ZSCAN25: variants seen among roughly 807,000 people sequenced by gnomAD.
ZSCAN25 encodes zinc finger and SCAN domain containing 25.
In ZSCAN25, 27 loss-of-function variants were observed where a neutral mutation model predicts 38.7. That is an observed-to-expected ratio of 0.70 (90% CI 0.51 to 0.96). ZSCAN25 has a LOEUF of 0.96. Among genes scored for constraint, ZSCAN25 ranks in the 40% least tolerant of loss-of-function variants. ZSCAN25 has a pLI of 0.00. For synonymous variants in ZSCAN25, 273 were observed against 277.7 expected, an observed-to-expected ratio of 0.98 and a Z score of 0.17; for missense variants, 637 against 705.9, an observed-to-expected ratio of 0.90 and a Z score of 1.11.
At chr7:99,710,984 C>G in the ZSCAN25 span, 4 of 1,595,174 alleles carry the variant, frequency 2.5e-6, no homozygotes, top group Non-Finnish European at 2.6e-6. Flanking sequence ...ACCTTCAAAT[C>G]CCCAGGGGAA....
the ZSCAN25 span, chr7:99,672,856 C>A: frequency 7.1e-7 from 1 of 1,413,782 alleles, no homozygotes; most frequent in Non-Finnish European, 9.2e-7. Flanking sequence ...GAGTCTCACA[C>A]AGGAGCCACC....
chr7:99,718,424 C>G, the ZSCAN25 span, among the ~76,000 whole-genome samples: 1 of 152,100 alleles, frequency 6.6e-6, no homozygotes, highest in Non-Finnish European at 1.5e-5. Flanking sequence ...GCCTATCAAG[C>G]CAGCATGCTT....
At chr7:99,723,435 C>A in the ZSCAN25 span, among the ~76,000 whole-genome samples, 1 of 152,298 alleles carries the variant, frequency 6.6e-6, no homozygotes, top group Non-Finnish European at 1.5e-5. Context: ...CTGCTTACCC[C>A]AGTCCTATAA....
chr7:99,733,787 A>G, the ZSCAN25 span, among the ~76,000 whole-genome samples: 1 of 152,238 alleles, frequency 6.6e-6, no homozygotes, highest in African/African-American at 2.4e-5. Context: ...TGCTTTTGCT[A>G]TCATCACTGG....
chr7:99,660,214 C>CTTTTT, the ZSCAN25 span: 266 of 429,910 alleles, frequency 6.2e-4, 20 homozygotes, highest in East Asian at 0.012. Context: ...CGCCACACTC[C>CTTTTT]TTTTTTTTTT....
the ZSCAN25 span, among the ~76,000 whole-genome samples, chr7:99,720,025 AC>A: frequency 4.2e-4 from 64 of 152,304 alleles, no homozygotes; most frequent in African/African-American, 1.5e-3. Context: ...ACAAACAAAA[AC>A]AAAAACAAAA....
At chr7:99,712,125 G>T in the ZSCAN25 span, among the ~76,000 whole-genome samples, 1 of 152,080 alleles carries the variant, frequency 6.6e-6, no homozygotes, top group African/African-American at 2.4e-5. Context: ...GCCCATCACT[G>T]GTCTGTTTGA....
chr7:99,662,954 C>T, the ZSCAN25 span: 1 of 1,593,390 alleles, frequency 6.3e-7, no homozygotes, highest in African/African-American at 1.3e-5. This position sits in a 1 kb window ranked among gnomAD's most constrained non-coding sequence, Gnocchi z 4.3. Context: ...AAAGTGCAGT[C>T]CTCAACCTCC....
the ZSCAN25 span, among the ~76,000 whole-genome samples, chr7:99,707,572 A>C: frequency 6.6e-6 from 1 of 152,222 alleles, no homozygotes; most frequent in Admixed American, 6.5e-5. Context: ...AAGTTCAAGG[A>C]GACTGTAGAT....
the ZSCAN25 span, chr7:99,652,828 C>T: frequency 2.1e-6 from 3 of 1,429,164 alleles, no homozygotes; most frequent in East Asian, 4.6e-5. Flanking sequence ...TGAATTAACT[C>T]TCAACTGAGT....
chr7:99,686,602 A>G, the ZSCAN25 span, among the ~76,000 whole-genome samples: 1 of 152,206 alleles, frequency 6.6e-6, no homozygotes, highest in East Asian at 1.9e-4. Context: ...GAACAAAAAG[A>G]CAGCAGTAAC....
At chr7:99,677,821 GAACTTTAAACACATTACCTGACC>G in the ZSCAN25 span, among the ~76,000 whole-genome samples, 6 of 152,200 alleles carry the variant, frequency 3.9e-5, no homozygotes, top group African/African-American at 1.4e-4. Context: ...CTCTGCTCCT[GAACTTTAAACACATTACCTGACC>G]TCTCAGGTGA....
the ZSCAN25 span, among the ~76,000 whole-genome samples, chr7:99,725,188 G>A: frequency 6.6e-6 from 1 of 152,152 alleles, no homozygotes. Flanking sequence ...CCCAGTTCAT[G>A]GCCCACTTAG....
At chr7:99,705,654 A>G in the ZSCAN25 span, 4 of 1,593,660 alleles carry the variant, frequency 2.5e-6, no homozygotes, top group East Asian at 2.2e-5. Flanking sequence ...TAGAAAGTAT[A>G]GCATCAAAGT....
the ZSCAN25 span, chr7:99,664,228 A>C: frequency 1.4e-5 from 12 of 835,494 alleles, no homozygotes; most frequent in South Asian, 2.0e-4. Flanking sequence ...TCCTTTTATC[A>C]TGTTTGCCCT....
the ZSCAN25 span, chr7:99,713,618 C>G: frequency 6.3e-7 from 1 of 1,593,674 alleles, no homozygotes; most frequent in Non-Finnish European, 8.6e-7. Context: ...CTCAACCTCC[C>G]TTCTGAGAAT....
At chr7:99,727,073 C>G in the ZSCAN25 span, among the ~76,000 whole-genome samples, 1 of 152,186 alleles carries the variant, frequency 6.6e-6, no homozygotes, top group Non-Finnish European at 1.5e-5. Flanking sequence ...GTCCTAAATC[C>G]TTTCCTCACT....
the ZSCAN25 span, chr7:99,705,381 T>G: frequency 8.8e-7 from 1 of 1,130,896 alleles, no homozygotes; most frequent in East Asian, 2.5e-5. Context: ...TGATTATTTA[T>G]GCAGCACATT....
chr7:99,665,402 C>A, the ZSCAN25 span: 2 of 1,524,900 alleles, frequency 1.3e-6, no homozygotes, highest in South Asian at 2.3e-5. Flanking sequence ...CATATCCAGT[C>A]AAGACACATA....
Sources: gnomAD v4.1 joint callset for allele counts (sites outside exome capture counted in the v4.1 genomes callset) on GRCh38, gnomAD v4.1.1 for gene constraint, Gnocchi (gnomAD v3.1) non-coding constraint, MANE v1.5 for transcripts, NCBI Gene and HGNC (gene_info 2026-07-23, HGNC 2026-07-21) for gene names.